The following STOX2 variants were observed in gnomAD, a reference collection of about 807,000 sequenced individuals.
STOX2 encodes storkhead box 2, also known as storkhead-box protein 2.
In STOX2, 28 loss-of-function variants were observed where a neutral mutation model predicts 60.9. That is an observed-to-expected ratio of 0.46 (90% CI 0.34 to 0.63). The LOEUF (loss-of-function observed/expected upper bound fraction) is 0.63, where lower values mean the gene tolerates loss of function less well. STOX2 is among the 30% of genes least tolerant of loss of function. The pLI is 0.01. For missense variants in STOX2, 1,024 were observed against 1,187.7 expected (o/e 0.86, Z 2.03); for synonymous variants, 472 against 463.9 (o/e 1.02, Z -0.22).
At chr4:183,884,029 T>G (rs1258862093) in intron 1 of STOX2, among the ~76,000 whole-genome samples, 1 of 152,018 alleles carries the variant, frequency 6.6e-6, no homozygotes, top group Admixed American at 6.6e-5. Context: ...ATTTTTTGTA[T>G]TTTTAGTAGA....
chr4:183,825,975 A>G lies in STOX2; in HGVS notation c.364+27920A>G, dbSNP rs1309851252. 3.3e-5 allele frequency among the ~76,000 whole-genome samples: 5 copies of G among 151,758 alleles called. No homozygotes were observed. The highest frequency in any genetic ancestry group is 1.2e-4 in the African/African-American group (5 of 41,248). On this transcript the variant is annotated intron_variant, in intron 1 of 2. Transcript: ENST00000513034. The surrounding 1 kb of genome is among the most constrained non-coding windows in gnomAD (Gnocchi z 4.1). ...AGTCGCTGAAACCTTTGGGTAATCT[A>G]TCACCTCTTCTTCTGCTCTTTCCTG...
At chr4:183,999,810 G>A (rs1733507187) in intron 1 of STOX2, among the ~76,000 whole-genome samples, 1 of 152,180 alleles carries the variant, frequency 6.6e-6, no homozygotes, top group Non-Finnish European at 1.5e-5. Context: ...TAGGAACTGT[G>A]GCTGGGCATG....
At chr4:183,967,387 G>T (rs1395369594) in intron 1 of STOX2, among the ~76,000 whole-genome samples, 1 of 149,746 alleles carries the variant, frequency 6.7e-6, no homozygotes, top group Non-Finnish European at 1.5e-5. Flanking sequence ...AAAAAAAAAA[G>T]AAGTGAGAGG....
chr4:183,988,434 T>TC (rs1461426453), intron 1 of STOX2: 1 of 152,082 alleles, frequency 6.6e-6, no homozygotes, highest in Non-Finnish European at 1.5e-5. Flanking sequence ...CCTTTTTTTT[T>TC]CCCTCCTCAA....
intron 1 of STOX2, among the ~76,000 whole-genome samples, chr4:183,955,016 G>T (rs867991436): frequency 5.3e-5 from 8 of 152,182 alleles, no homozygotes; most frequent in African/African-American, 1.4e-4. Flanking sequence ...ACCAATCCTG[G>T]ATTCTCATTC....
upstream of STOX2, among the ~76,000 whole-genome samples, chr4:183,904,301 TG>T (rs1437098176): frequency 1.3e-5 from 2 of 152,242 alleles, no homozygotes; most frequent in African/African-American, 4.8e-5. Flanking sequence ...CGTAAATATC[TG>T]TGGGGTAGGT....
chr4:183,928,073 T>G (rs1742296871), intron 1 of STOX2, among the ~76,000 whole-genome samples: 1 of 152,248 alleles, frequency 6.6e-6, no homozygotes, highest in African/African-American at 2.4e-5. Context: ...TAAGGATCCC[T>G]GGTGTATTAT....
intron 1 of STOX2, among the ~76,000 whole-genome samples, chr4:183,919,414 G>A (rs890975017): frequency 6.6e-6 from 1 of 152,142 alleles, no homozygotes; most frequent in African/African-American, 2.4e-5. Context: ...TTATGGTTCC[G>A]CAGTCGTGGA....
intron 1 of STOX2, among the ~76,000 whole-genome samples, chr4:183,971,911 C>G (rs1454148740): frequency 6.6e-6 from 1 of 152,156 alleles, no homozygotes; most frequent in East Asian, 1.9e-4. Context: ...GGAAGGAGAT[C>G]AGAATTTGAA....
chr4:183,893,474 G>T (rs1303672445), intron 1 of STOX2, among the ~76,000 whole-genome samples: 1 of 152,160 alleles, frequency 6.6e-6, no homozygotes, highest in Non-Finnish European at 1.5e-5. Context: ...GAAAAGTCTG[G>T]GTGATGCAAG....
At chr4:183,996,421 A>C (rs1733349892) in intron 1 of STOX2, among the ~76,000 whole-genome samples, 1 of 152,252 alleles carries the variant, frequency 6.6e-6, no homozygotes, top group Non-Finnish European at 1.5e-5. Context: ...TATAATCCAC[A>C]TTTCATGCAA....
At chr4:183,862,859 C>T (rs1192869404) in intron 1 of STOX2, among the ~76,000 whole-genome samples, 1 of 152,190 alleles carries the variant, frequency 6.6e-6, no homozygotes, top group Non-Finnish European at 1.5e-5. Context: ...AACACAGGGC[C>T]TCCCTGGACC....
chr4:183,923,220 T>G (rs1454723382), intron 1 of STOX2, among the ~76,000 whole-genome samples: 1 of 152,256 alleles, frequency 6.6e-6, no homozygotes, highest in Non-Finnish European at 1.5e-5. Flanking sequence ...TCACAGTGGT[T>G]GCACCATTTT....
At chr4:183,932,317 TATATGTATGTATACATACA>T (rs1742448837) in intron 1 of STOX2, among the ~76,000 whole-genome samples, 4 of 41,052 alleles carry the variant, frequency 9.7e-5, no homozygotes, top group African/African-American at 1.7e-4. Context: ...ATACATACAG[TATATGTATGTATACATACA>T]GTATATGTAT....
intron 1 of STOX2, among the ~76,000 whole-genome samples, chr4:183,815,008 AT>A (rs959492735): frequency 4.6e-5 from 7 of 150,886 alleles, no homozygotes; most frequent in Non-Finnish European, 1.0e-4. Context: ...ATTTTATTTT[AT>A]TTTTTTTCAA....
At chr4:183,834,335 AG>A (rs1411127639) in intron 1 of STOX2, among the ~76,000 whole-genome samples, 2 of 152,152 alleles carry the variant, frequency 1.3e-5, no homozygotes, top group Non-Finnish European at 2.9e-5. Context: ...CCTGTTAGGC[AG>A]TTGATCAACC....
chr4:183,841,429 T>C (rs1029846084), intron 1 of STOX2, among the ~76,000 whole-genome samples: 12 of 152,042 alleles, frequency 7.9e-5, no homozygotes, highest in Non-Finnish European at 1.8e-4. Flanking sequence ...CCCAGGCTGG[T>C]CTTATATTCC....
At chr4:183,851,364 G>A (rs866592354) in intron 1 of STOX2, among the ~76,000 whole-genome samples, 18 of 62,352 alleles carry the variant, frequency 2.9e-4, no homozygotes, top group East Asian at 4.5e-4. Flanking sequence ...AAAGGATGAG[G>A]GAAAGGATGA....
intron 1 of STOX2, among the ~76,000 whole-genome samples, chr4:183,915,860 C>T (rs1244864205): frequency 6.6e-6 from 1 of 152,204 alleles, no homozygotes; most frequent in Non-Finnish European, 1.5e-5. Flanking sequence ...CTTCTAGCAT[C>T]AGAGCTGGGA....
Sources: gnomAD v4.1 joint callset for allele counts (sites outside exome capture counted in the v4.1 genomes callset) on GRCh38, gnomAD v4.1.1 for gene constraint, Gnocchi (gnomAD v3.1) non-coding constraint, MANE v1.5 for transcripts, NCBI Gene and HGNC (gene_info 2026-07-23, HGNC 2026-07-21) for gene names.